DNAH17: variants seen among roughly 807,000 people sequenced by gnomAD.
The protein encoded by DNAH17 is dynein axonemal heavy chain 17.
Under a neutral mutation model 485.6 loss-of-function variants are expected in DNAH17, and 376 were observed. That is an observed-to-expected ratio of 0.77 (90% CI 0.71 to 0.84). DNAH17 has a LOEUF of 0.84. DNAH17 is among the 40% of genes least tolerant of loss of function. The pLI, the probability that DNAH17 is intolerant of heterozygous loss-of-function variation, is 0.00. For synonymous variants in DNAH17, 3,031 were observed against 2,405.9 expected, an observed-to-expected ratio of 1.26 and a Z score of -7.60; for missense variants, 6,370 against 5,839.3, an observed-to-expected ratio of 1.09 and a Z score of -2.96.
intron 46 of DNAH17, 80 bp from the exon 47 acceptor site, chr17:78,485,837 C>G: frequency 1.3e-6 from 2 of 1,571,316 alleles, no homozygotes; most frequent in Non-Finnish European, 1.7e-6. Context: ...CCATGTTCTA[C>G]CGAACAGGTC....
chr17:78,500,684 T>C (rs2090253065), intron 35 of DNAH17: 1 of 360,280 alleles, frequency 2.8e-6, no homozygotes, highest in Non-Finnish European at 4.9e-6. Context: ...AATTTTTGTA[T>C]TTTCAGTAGA....
At chr17:78,445,443 T>C in intron 70 of DNAH17, 115 bp downstream of exon 70, 1 of 1,421,592 alleles carries the variant, frequency 7.0e-7, no homozygotes, top group Non-Finnish European at 9.4e-7. Flanking sequence ...CTTGCTTTAC[T>C]GAATTTATGG....
chr17:78,509,764 G>C (rs369337165), intron 27 of DNAH17, among the ~76,000 whole-genome samples: 10 of 152,098 alleles, frequency 6.6e-5, no homozygotes, highest in South Asian at 6.3e-4. Context: ...GGAGTCAGAC[G>C]GGACCACAGA....
At position 78,561,586 on chromosome 17, in the gene DNAH17, G is replaced by A; in HGVS notation, c.1835+129C>T. On this transcript the variant is annotated intron_variant, in intron 12 of 80. Transcript: ENST00000389840. ...GGAGGACCAGAAGGGGTCTCTTCTGGGCTTTTGCTCTGGGAGGTAACAGTC... is the reference window on the plus strand; with the variant it reads ...GGAGGACCAGAAGGGGTCTCTTCTGAGCTTTTGCTCTGGGAGGTAACAGTC... 2.5e-6 allele frequency: 3 copies of A among 1,180,270 alleles called. No homozygotes were observed. The East Asian group carries it at 7.9e-5, about 31-fold the overall frequency. 73.1% of individuals were successfully genotyped at this position (1,180,270 alleles called of 1,614,324 possible).
At chr17:78,519,167 CAAAAAAAAA>C (rs71161610) in intron 25 of DNAH17, among the ~76,000 whole-genome samples, 33 of 75,586 alleles carry the variant, frequency 4.4e-4, no homozygotes, top group African/African-American at 6.5e-4. Flanking sequence ...GACTCCGTCT[CAAAAAAAAA>C]AAAAAAAAAA....
At position 78,537,472 on chromosome 17, in the gene DNAH17, C is replaced by T. The variant is rs375761147; in HGVS notation, c.2686G>A (p.Ala896Thr). ...MDNMVIDESI[A>T]PLFEIRMELD... The stretch of plus-strand genomic sequence containing the variant: ...TCCATGCGGATCTCAAACAGGGGAG[C>T]GATACTCTCCTGAAAGAGGGGTGGG... Residue 896 changes from alanine (A) to threonine (T), a missense_variant, in exon 19 of 81, where the codon GCT (alanine) becomes ACT (threonine). By Grantham distance (58) the Ala-to-Thr change is moderately conservative (BLOSUM62 0). Transcript: ENST00000389840. The T allele has an allele frequency of 6.6e-5, 107 of 1,613,132 alleles. No homozygotes were observed. Among genetic ancestry groups the T allele is most frequent in the Non-Finnish European group, 8.1e-5 (96 of 1,179,786 alleles).
At position 78,570,832 on chromosome 17, in the gene DNAH17, T is replaced by G. The variant is rs569864224; in HGVS notation, c.918+116A>C. 5.0e-5 allele frequency: 31 copies of G among 624,848 alleles called. No homozygotes were observed. The East Asian group carries it at 1.1e-3, about 23-fold the overall frequency. The allele number at this position is 624,848 out of a possible 1,614,324, so 38.7% of individuals were successfully genotyped here. A position where few individuals can be genotyped will look rare whatever the true frequency, so the allele number is the denominator to read the frequency against. On this transcript the variant is annotated intron_variant, in intron 6 of 80. Transcript: ENST00000389840. ...GAGATCGCGCCACAGCACTCTAGCC[T>G]GGTGACAGAGCGAGACTCCCTCTCA... is the stretch of plus-strand genomic sequence containing the variant.
chr17:78,554,470 A>AAAAAAAAT (rs2091977475), intron 14 of DNAH17, among the ~76,000 whole-genome samples: 1 of 111,158 alleles, frequency 9.0e-6, no homozygotes, highest in African/African-American at 3.7e-5. Context: ...AAAAAAAAAA[A>AAAAAAAAT]AGGATAGGTT....
intron 15 of DNAH17, among the ~76,000 whole-genome samples, chr17:78,552,215 C>T (rs2091917632): frequency 6.6e-6 from 1 of 152,214 alleles, no homozygotes; most frequent in African/African-American, 2.4e-5. Context: ...AAGGGTTCCA[C>T]CTCTGGGAGC....
At chr17:78,546,141 A>C (rs2091757433) in intron 16 of DNAH17, among the ~76,000 whole-genome samples, 1 of 152,180 alleles carries the variant, frequency 6.6e-6, no homozygotes, top group Non-Finnish European at 1.5e-5. Flanking sequence ...CCTGAGCAAC[A>C]TAGGAAGGCC....
At position 78,484,874 on chromosome 17, in the gene DNAH17, C is replaced by G. The variant is rs760914680; in HGVS notation, c.7643G>C (p.Arg2548Pro). 6.4e-7 allele frequency: 1 copy of G among 1,561,556 alleles called. No homozygotes were observed. Among genetic ancestry groups the G allele is most frequent in the Non-Finnish European group, 8.7e-7 (1 of 1,153,078 alleles). Residue 2548 changes from arginine to proline, a missense_variant, in exon 48 of 81, where the codon CGG (arginine) becomes CCG (proline). Physicochemically the swap from Arg to Pro is moderately radical, Grantham distance 103. Transcript: ENST00000389840. ...CGGCCCCGCCCCGTCTAACCAGTGC[C>G]GGTGGTCCATGTGCTGCCGGATGAG... The part of the protein sequence containing the change: ...HTLIRQHMDH[R>P]HWYDRHKLTL...
At chr17:78,475,876 C>T (rs1279564073) in intron 52 of DNAH17, 43 bp from the exon 53 acceptor site, 1 of 1,598,172 alleles carries the variant, frequency 6.3e-7, no homozygotes, top group Admixed American at 1.7e-5. Flanking sequence ...GTTTTTGCCA[C>T]CATGACCACA....
intron 55 of DNAH17, among the ~76,000 whole-genome samples, chr17:78,467,224 T>C (rs2088513685): frequency 6.6e-6 from 1 of 152,204 alleles, no homozygotes; most frequent in Non-Finnish European, 1.5e-5. Context: ...AGGGAGTCCC[T>C]GGGATCCCAG....
rs191157785 is a variant in DNAH17, at chr17:78,569,562, G to C, written c.1045-35C>G. 8 of 1,582,726 alleles carry C rather than the reference G, an allele frequency of 5.1e-6. No individual in the cohort carries two copies. The African/African-American group carries it at 6.7e-5, about 13-fold the overall frequency. On this transcript the variant is annotated intron_variant, in intron 7 of 80. Transcript: ENST00000389840. The stretch of plus-strand genomic sequence containing the variant: ...AGAGAAGACAGACATCTAAAGCTCC[G>C]ACAAGCCATTTGGGGTGACGTCCAG...
At chr17:78,477,336 G>A (rs913184272) in intron 51 of DNAH17, among the ~76,000 whole-genome samples, 1 of 152,088 alleles carries the variant, frequency 6.6e-6, no homozygotes, top group Admixed American at 6.5e-5. Flanking sequence ...CTGAGGAGTG[G>A]CCTCTGTGAG....
chr17:78,442,214 C>T (rs1378992969), intron 71 of DNAH17, among the ~76,000 whole-genome samples: 1 of 152,314 alleles, frequency 6.6e-6, no homozygotes, highest in Non-Finnish European at 1.5e-5. Flanking sequence ...GAGTCTGGGT[C>T]GACTTTCAGA....
intron 12 of DNAH17, 124 bp downstream of exon 12, chr17:78,561,591 T>C: frequency 8.2e-7 from 1 of 1,222,976 alleles, no homozygotes; most frequent in South Asian, 1.7e-5. Flanking sequence ...TTCTGGGCTT[T>C]TGCTCTGGGA....
At chr17:78,460,798 T>C (rs2088081189) in intron 58 of DNAH17, among the ~76,000 whole-genome samples, 1 of 152,140 alleles carries the variant, frequency 6.6e-6, no homozygotes. Context: ...GGCTGTTTCA[T>C]AATCCATCCA....
intron 20 of DNAH17, among the ~76,000 whole-genome samples, chr17:78,531,232 C>A (rs954546086): frequency 3.3e-5 from 5 of 151,716 alleles, no homozygotes; most frequent in African/African-American, 9.7e-5. Context: ...TGGTGCTGGG[C>A]GCATAGATAT....
Sources: allele counts gnomAD v4.1 joint callset (sites outside exome capture counted in the v4.1 genomes callset), GRCh38; gene constraint gnomAD v4.1.1; transcripts MANE v1.5; gene names NCBI Gene and HGNC (gene_info 2026-07-23, HGNC 2026-07-21).